MRPL18: variants seen among roughly 807,000 people sequenced by gnomAD.
MRPL18 encodes mitochondrial ribosomal protein L18.
Under a neutral mutation model 20.9 loss-of-function variants are expected in MRPL18, and 16 were observed. The observed-to-expected ratio is 0.76, with a 90% confidence interval of 0.52 to 1.16. The LOEUF (loss-of-function observed/expected upper bound fraction) is 1.16, where lower values mean the gene tolerates loss of function less well. MRPL18 is among the 50% of genes most tolerant of loss of function. MRPL18 has a pLI of 0.00. For synonymous variants in MRPL18, 91 were observed against 87.1 expected (o/e 1.04, Z -0.25); for missense variants, 233 against 230.6 (o/e 1.01, Z -0.07).
rs896340949 is a variant in MRPL18, at chr6:159,790,607, T to G, written c.20T>G (p.Phe7Cys). 2 of 1,537,726 alleles carry G rather than the reference T, an allele frequency of 1.3e-6. No homozygotes were observed. The highest frequency in any genetic ancestry group is 3.2e-5 in the African/African-American group (2 of 62,758). The change falls in exon 1 of 4, where the codon TTT becomes TGT. Residue 7 changes from phenylalanine to cysteine, a missense_variant. Coordinates refer to ENST00000367034, the MANE Select transcript of MRPL18 (RefSeq NM_014161.5). The stretch of plus-strand genomic sequence containing the variant: ...TCAGCGATGGCGCTTCGGTCGCGGT[T>G]TTGGGGGTTGTTCTCGGTTTGCAGG... Reference protein sequence around the residue: MALRSRFWGLFSVCRNP... With the variant: MALRSRCWGLFSVCRNP...
At chr6:159,790,860 G>A in intron 1 of MRPL18, 80 bp from the exon 2 acceptor site, 2 of 1,541,710 alleles carry the variant, frequency 1.3e-6, no homozygotes, top group Non-Finnish European at 1.8e-6. Context: ...GGGTGTAAAA[G>A]CGGATAGACG....
At position 159,790,520 on chromosome 6, in the gene MRPL18, G is replaced by T; in HGVS notation, c.-68G>T. On this transcript the variant is annotated 5_prime_UTR_variant, in exon 1 of 4. Transcript: ENST00000367034. ...GGCTTGTCCCTGACTTTATATGGCTGCTCCTGGCGAGCGACTGAGTCGTCC... is the reference window on the plus strand; with the variant it reads ...GGCTTGTCCCTGACTTTATATGGCTTCTCCTGGCGAGCGACTGAGTCGTCC... 2 of 1,607,180 alleles carry T rather than the reference G, an allele frequency of 1.2e-6. No individual in the cohort carries two copies. Among genetic ancestry groups the T allele is most frequent in the East Asian group, 2.2e-5 (1 of 44,838 alleles).
At chr6:159,789,852 C>T, upstream of MRPL18, 2 of 301,274 alleles carry the variant, frequency 6.6e-6, no homozygotes, top group Non-Finnish European at 1.3e-5. Context: ...CGATGTTGCG[C>T]AGACGCAGTG....
At position 159,791,063 on chromosome 6, in the gene MRPL18, T is replaced by TA; in HGVS notation, c.177dup (p.Ser60IlefsTer17). ...CGGAACCCCCGGAACCTGGAGCTTT[T>TA]ATCTGTAGCCAGGAAAGAGCGGGGC... is the stretch of plus-strand genomic sequence containing the variant. On this transcript the variant is annotated frameshift_variant, in exon 2 of 4. Transcript: ENST00000367034. LOFTEE classifies it high-confidence loss of function. 6.2e-7 allele frequency: 1 copy of TA among 1,614,232 alleles called. No individual in the cohort carries two copies.
At position 159,795,852 on chromosome 6, in the gene MRPL18, C is replaced by T. The variant is rs572519732; in HGVS notation, c.240-1435C>T. ...CAGGCTGGAGTGCAGGGCATTATCACGGCTCACTGCAGCCACAACCTCCTG... is the reference window on the plus strand; with the variant it reads ...CAGGCTGGAGTGCAGGGCATTATCATGGCTCACTGCAGCCACAACCTCCTG... On this transcript the variant is annotated intron_variant, in intron 2 of 3. Transcript: ENST00000367034. Among the ~76,000 whole-genome samples the T allele has an allele frequency of 8.5e-5, 13 of 152,240 alleles. No homozygotes were observed. The South Asian group carries it at 2.5e-3, about 29-fold the overall frequency.
chr6:159,790,236 C>G (rs78015997), upstream of MRPL18, among the ~76,000 whole-genome samples: 792 of 152,230 alleles, frequency 5.2e-3, 5 homozygotes, highest in African/African-American at 0.018. Flanking sequence ...CGATGACCGC[C>G]CAAGCTCTCC....
chr6:159,793,645 C>CA (rs973639470), intron 2 of MRPL18, among the ~76,000 whole-genome samples: 5 of 152,144 alleles, frequency 3.3e-5, no homozygotes, highest in African/African-American at 1.2e-4. Flanking sequence ...CGCGGTGGCT[C>CA]ACGTTTGTAA....
chr6:159,798,152 A>G lies in MRPL18; in HGVS notation c.*29A>G, dbSNP rs1289661759. On this transcript the variant is annotated 3_prime_UTR_variant, in exon 4 of 4. Transcript: ENST00000367034. Reference sequence around the variant, plus strand: ...GAAGCATTAATTGTTTTGAACATGTAAATATAAATCTGTCAGCCACTACAG... The same window carrying G: ...GAAGCATTAATTGTTTTGAACATGTGAATATAAATCTGTCAGCCACTACAG... 6.3e-7 allele frequency: 1 copy of G among 1,577,100 alleles called. No individual in the cohort carries two copies. The highest frequency in any genetic ancestry group is 2.2e-5 in the East Asian group (1 of 44,594).
intron 3 of MRPL18, 143 bp downstream of exon 3, chr6:159,797,661 A>G: frequency 1.4e-6 from 1 of 723,510 alleles, no homozygotes; most frequent in Non-Finnish European, 2.3e-6. Flanking sequence ...GTGTTACTTC[A>G]TTTAATCCTC....
In MRPL18 at chr6:159,798,322, G is replaced by A; in HGVS notation, c.*199G>A. 1 of 454,640 alleles carries A rather than the reference G, an allele frequency of 2.2e-6. No homozygotes were observed. The highest frequency in any genetic ancestry group is 3.9e-6 in the Non-Finnish European group (1 of 258,126). The allele number at this position is 454,640 out of a possible 1,614,324, so 28.2% of individuals were successfully genotyped here. A position where few individuals can be genotyped will look rare whatever the true frequency, so the allele number is the denominator to read the frequency against. ...AGAACTACGTTCTGCCCCTCTCTTG[G>A]GCTTCAGAAGCATCTAAGAAAAGCA... On this transcript the variant is annotated 3_prime_UTR_variant, in exon 4 of 4. Transcript: ENST00000367034.
intron 3 of MRPL18, 112 bp from the exon 4 acceptor site, chr6:159,797,940 A>G: frequency 1.2e-6 from 1 of 852,188 alleles, no homozygotes; most frequent in Non-Finnish European, 1.8e-6. Context: ...TAGGCTGGGA[A>G]GTTAGCAAGA....
intron 2 of MRPL18, 80 bp downstream of exon 2, chr6:159,791,206 C>T: frequency 1.3e-6 from 2 of 1,521,412 alleles, no homozygotes; most frequent in Admixed American, 2.0e-5. Context: ...GGCACTCTCC[C>T]AGGTAGCTGC....
intron 2 of MRPL18, among the ~76,000 whole-genome samples, chr6:159,795,252 T>A (rs574230137): frequency 1.3e-5 from 2 of 152,298 alleles, no homozygotes; most frequent in South Asian, 4.1e-4. Context: ...CTTCCTCTTA[T>A]ACTAATCCTC....
intron 2 of MRPL18, among the ~76,000 whole-genome samples, chr6:159,795,123 G>A (rs908001475): frequency 2.0e-5 from 3 of 152,210 alleles, no homozygotes; most frequent in Non-Finnish European, 4.4e-5. Flanking sequence ...GCCCTAAGGC[G>A]GTTTTTCCCT....
chr6:159,790,829 C>A (rs896287641), intron 1 of MRPL18, 111 bp from the exon 2 acceptor site: 94 of 1,433,196 alleles, frequency 6.6e-5, no homozygotes, highest in Non-Finnish European at 8.5e-5. Flanking sequence ...TATTTTTCGT[C>A]CCCTCGGGCC....
intron 2 of MRPL18, among the ~76,000 whole-genome samples, chr6:159,795,688 TC>T (rs1300312691): frequency 5.9e-5 from 9 of 152,214 alleles, no homozygotes; most frequent in Non-Finnish European, 8.8e-5. Flanking sequence ...CTCTTGCTTT[TC>T]CCCACAAGTT....
chr6:159,796,864 G>A (rs1031759340), intron 2 of MRPL18, among the ~76,000 whole-genome samples: 2 of 152,070 alleles, frequency 1.3e-5, no homozygotes, highest in African/African-American at 4.8e-5. Flanking sequence ...AATTTCTCAT[G>A]TTTTCTTCTA....
Position 159,790,934 on chromosome 6 carries a change from G to C in MRPL18, c.53-6G>C. 1.2e-6 allele frequency: 2 copies of C among 1,613,792 alleles called. No individual in the cohort carries two copies. The highest frequency in any genetic ancestry group is 1.7e-4 in the Middle Eastern group (1 of 6,058). Reference sequence around the variant, plus strand: ...TAAGCCCTGTGCGGTTTTTCCCGTTGCCCAGGGTGCAGGTTCGCAGCCCTG... The same window carrying C: ...TAAGCCCTGTGCGGTTTTTCCCGTTCCCCAGGGTGCAGGTTCGCAGCCCTG... On this transcript the variant is annotated splice_region_variant and splice_polypyrimidine_tract_variant and intron_variant, in intron 1 of 3. Coordinates refer to ENST00000367034, the MANE Select transcript of MRPL18 (RefSeq NM_014161.5).
intron 2 of MRPL18, among the ~76,000 whole-genome samples, chr6:159,793,981 C>T (rs567220849): frequency 6.6e-6 from 1 of 152,088 alleles, no homozygotes; most frequent in South Asian, 2.1e-4. Context: ...CTCCATATTT[C>T]CAAATCTAAT....
Sources: gnomAD v4.1 joint callset for allele counts (sites outside exome capture counted in the v4.1 genomes callset) on GRCh38, gnomAD v4.1.1 for gene constraint, MANE v1.5 for transcripts, NCBI Gene and HGNC (gene_info 2026-07-23, HGNC 2026-07-21) for gene names.